Variants in BACH2 observed in about 807,000 individuals in gnomAD.
BACH2 encodes transcription regulator protein BACH2.
Under a neutral mutation model 61.8 loss-of-function variants are expected in BACH2, and 5 were observed. The ratio of observed to expected loss-of-function variants is 0.08; its 90% CI spans 0.04 to 0.17. The LOEUF (loss-of-function observed/expected upper bound fraction) is 0.17, where lower values mean the gene tolerates loss of function less well. BACH2 is among the 10% of genes least tolerant of loss of function. BACH2 has a pLI of 1.00. For synonymous variants in BACH2, 446 were observed against 440.1 expected, an observed-to-expected ratio of 1.01 and a Z score of -0.17; for missense variants, 824 against 1,091.1, an observed-to-expected ratio of 0.76 and a Z score of 3.45.
intron 5 of BACH2, among the ~76,000 whole-genome samples, chr6:90,027,397 T>C (rs1392015798): frequency 6.6e-6 from 1 of 152,202 alleles, no homozygotes. Context: ...CGGTCTTATA[T>C]GCCTATACCA....
intron 4 of BACH2, among the ~76,000 whole-genome samples, chr6:90,139,620 G>A (rs992481490): frequency 1.5e-4 from 23 of 152,256 alleles, no homozygotes; most frequent in African/African-American, 5.5e-4. Context: ...GTAGGGGTTG[G>A]GGATATTCAA....
At position 89,977,550 on chromosome 6, in the gene BACH2, C is replaced by T. The variant is rs150637443; in HGVS notation, c.244-25688G>A. On this transcript the variant is annotated intron_variant, in intron 6 of 8. Transcript: ENST00000257749. Reference sequence around the variant, plus strand: ...CTTTTGAAAGGGAGAATACTAAAAACGGTGTAAGAACCACTGGAGAAGAAT... The same window carrying T: ...CTTTTGAAAGGGAGAATACTAAAAATGGTGTAAGAACCACTGGAGAAGAAT... Among the ~76,000 whole-genome samples, 414 of 152,272 alleles carry T rather than the reference C, an allele frequency of 2.7e-3. 1 individual carries two copies. Among genetic ancestry groups the T allele is most frequent in the Admixed American group, 6.0e-3 (92 of 15,282 alleles).
intron 4 of BACH2, among the ~76,000 whole-genome samples, chr6:90,179,598 A>C (rs964327597): frequency 9.2e-5 from 14 of 152,184 alleles, no homozygotes; most frequent in African/African-American, 3.4e-4. Context: ...GAAACTATGA[A>C]GCATCTTGTG....
chr6:89,977,179 T>C (rs536740945), intron 6 of BACH2, among the ~76,000 whole-genome samples: 243 of 152,326 alleles, frequency 1.6e-3, no homozygotes, highest in African/African-American at 5.7e-3. Flanking sequence ...GAATACAAAA[T>C]AAGAGCCCTT....
chr6:90,220,180 G>A (rs1027795934), intron 3 of BACH2, among the ~76,000 whole-genome samples: 57 of 152,076 alleles, frequency 3.7e-4, no homozygotes, highest in Admixed American at 2.7e-3. Flanking sequence ...GAGTTTCTCC[G>A]CTACAGGATT....
chr6:89,942,689 C>T lies in BACH2; in HGVS notation c.1837-4339G>A, dbSNP rs1484945922. ...GGGAAGGGCACGAGGGATTCATGGG[C>T]GCCACTCTTTAGCCAGGGGTCTACC... On this transcript the variant is annotated intron_variant, in intron 7 of 8. Coordinates refer to ENST00000257749, the MANE Select transcript of BACH2 (RefSeq NM_021813.4). 3.3e-5 allele frequency among the ~76,000 whole-genome samples: 5 copies of T among 152,240 alleles called. No individual in the cohort carries two copies. In the East Asian group the frequency reaches 7.7e-4, roughly 24 times the overall value.
At chr6:90,209,758 C>T (rs951463041) in intron 3 of BACH2, among the ~76,000 whole-genome samples, 12 of 152,178 alleles carry the variant, frequency 7.9e-5, no homozygotes, top group Admixed American at 2.0e-4. Flanking sequence ...AAACTGATTA[C>T]GGATCCCTTC....
intron 4 of BACH2, among the ~76,000 whole-genome samples, chr6:90,151,144 T>C (rs1298913214): frequency 6.6e-6 from 1 of 152,258 alleles, no homozygotes; most frequent in Admixed American, 6.5e-5. Context: ...TCTATCAGTT[T>C]GGAACAGTTT....
chr6:90,010,673 T>G (rs1485449247), intron 5 of BACH2, among the ~76,000 whole-genome samples: 2 of 152,254 alleles, frequency 1.3e-5, no homozygotes, highest in African/African-American at 4.8e-5. Context: ...CTGCCACTGT[T>G]TTCTAAAGTG....
At chr6:90,289,671 CAA>C (rs1454224176) in intron 1 of BACH2, among the ~76,000 whole-genome samples, 4 of 152,040 alleles carry the variant, frequency 2.6e-5, no homozygotes, top group Non-Finnish European at 5.9e-5. Context: ...AAACAAAAAA[CAA>C]ACAAACAAAA....
intron 3 of BACH2, among the ~76,000 whole-genome samples, chr6:90,228,549 G>C (rs1254185011): frequency 2.0e-5 from 3 of 152,204 alleles, no homozygotes; most frequent in African/African-American, 7.2e-5. Context: ...TTCAAGACCA[G>C]CCTGGGCAGC....
intron 4 of BACH2, among the ~76,000 whole-genome samples, chr6:90,188,324 G>A (rs150002011): frequency 3.2e-4 from 49 of 152,270 alleles, no homozygotes; most frequent in African/African-American, 1.1e-3. Context: ...TTGTTTAAGT[G>A]TGGGTTAACT....
At chr6:90,164,410 G>C (rs1023586104) in intron 4 of BACH2, among the ~76,000 whole-genome samples, 2 of 152,010 alleles carry the variant, frequency 1.3e-5, no homozygotes, top group Admixed American at 1.3e-4. Context: ...CTGAAATTGA[G>C]GCAATAATTA....
Position 90,155,879 on chromosome 6 carries a change from G to A in BACH2, c.-162+50690C>T, listed in dbSNP as rs538865176. Among the ~76,000 whole-genome samples, 27 of 152,296 alleles carry A rather than the reference G, an allele frequency of 1.8e-4. No homozygotes were observed. In the South Asian group the frequency reaches 5.2e-3, roughly 29 times the overall value. On this transcript the variant is annotated intron_variant, in intron 4 of 8. Transcript: ENST00000257749. ...AGAACAATGCCTGGCACAAGCAGGTGTGCAAAAATGCTGGCCGACTAAAAA... is the reference window on the plus strand; with the variant it reads ...AGAACAATGCCTGGCACAAGCAGGTATGCAAAAATGCTGGCCGACTAAAAA...
intron 5 of BACH2, among the ~76,000 whole-genome samples, chr6:90,073,755 G>C (rs536436731): frequency 8.1e-4 from 123 of 152,224 alleles, no homozygotes; most frequent in Non-Finnish European, 1.4e-3. Flanking sequence ...AAAAGGATAG[G>C]GTTCACATTA....
intron 5 of BACH2, among the ~76,000 whole-genome samples, chr6:90,071,545 A>G (rs1429313282): frequency 6.6e-6 from 1 of 152,238 alleles, no homozygotes; most frequent in African/African-American, 2.4e-5. Flanking sequence ...GTGAGAGAAC[A>G]TGGCAGTACA....
At chr6:90,088,202 T>C (rs1201581241) in intron 5 of BACH2, among the ~76,000 whole-genome samples, 1 of 152,142 alleles carries the variant, frequency 6.6e-6, no homozygotes, top group African/African-American at 2.4e-5. Flanking sequence ...AGGGGAGGGA[T>C]AATGCTATGA....
chr6:90,001,745 GCTAGAT>G (rs1777144343), intron 6 of BACH2, among the ~76,000 whole-genome samples: 1 of 152,122 alleles, frequency 6.6e-6, no homozygotes, highest in Non-Finnish European at 1.5e-5. Flanking sequence ...CATTTCATCA[GCTAGAT>G]CTAGTCATAT....
chr6:90,072,505 T>G (rs1159263098), intron 5 of BACH2, among the ~76,000 whole-genome samples: 1 of 152,236 alleles, frequency 6.6e-6, no homozygotes, highest in East Asian at 1.9e-4. Context: ...CAAGGCAGTT[T>G]TCTCAGGTTG....
Sources: gnomAD v4.1 joint callset for allele counts (sites outside exome capture counted in the v4.1 genomes callset) on GRCh38, gnomAD v4.1.1 for gene constraint, MANE v1.5 for transcripts, NCBI Gene and HGNC (gene_info 2026-07-23, HGNC 2026-07-21) for gene names.